Variants in ELMOD1 observed in about 807,000 individuals in gnomAD.
ELMOD1 encodes the protein ELMO domain containing 1, also known as ELMO domain-containing protein 1.
In ELMOD1, 21 loss-of-function variants were observed where a neutral mutation model predicts 46.7. The observed-to-expected ratio is 0.45, with a 90% CI of 0.32 to 0.65. ELMOD1 has a LOEUF of 0.65. Among genes scored for constraint, ELMOD1 ranks in the 30% least tolerant of loss-of-function variants. ELMOD1 has a pLI of 0.04. For missense variants in ELMOD1, 348 were observed against 407.8 expected, an observed-to-expected ratio of 0.85 and a Z score of 1.26; for synonymous variants, 122 against 138.2, an observed-to-expected ratio of 0.88 and a Z score of 0.82.
intron 1 of ELMOD1, among the ~76,000 whole-genome samples, chr11:107,604,126 A>T (rs1349178839): frequency 6.6e-6 from 1 of 152,178 alleles, no homozygotes; most frequent in Non-Finnish European, 1.5e-5. Context: ...TCGAGGTAAG[A>T]AGTGCTAATC....
rs1450432502 is a variant in ELMOD1 at position 107,623,467 on chromosome 11, C to T, written c.17+5261C>T. 2.0e-5 allele frequency: 3 copies of T among 152,222 alleles called. 1 individual carries two copies. Among genetic ancestry groups the T allele is most frequent in the South Asian group, 4.1e-4 (2 of 4,830 alleles). The allele number at this position is 152,222 out of a possible 1,614,324, so 9.4% of individuals were successfully genotyped here. ...CTTCCCGCAGAGCATGAGCAATATA[C>T]CCGAAAGCCACGGGCACTCAATAAA... On this transcript the variant is annotated intron_variant, in intron 2 of 11. Transcript: ENST00000265840.
chr11:107,643,533 A>T (rs896727180), intron 6 of ELMOD1: 2 of 488,942 alleles, frequency 4.1e-6, no homozygotes, highest in African/African-American at 3.9e-5. Flanking sequence ...AGTCTGTAGT[A>T]GAACACTCTT....
intron 11 of ELMOD1, among the ~76,000 whole-genome samples, chr11:107,658,644 T>C (rs185524597): frequency 4.6e-5 from 7 of 152,282 alleles, no homozygotes; most frequent in Admixed American, 1.3e-4. Context: ...CTTCTAAAAA[T>C]TGGAAAAGTT....
chr11:107,612,158 A>T (rs1343902051), intron 1 of ELMOD1, among the ~76,000 whole-genome samples: 1 of 152,242 alleles, frequency 6.6e-6, no homozygotes. Context: ...TGTGTTATGT[A>T]TACCATAGAA....
chr11:107,621,684 A>T (rs1390807867), intron 2 of ELMOD1, among the ~76,000 whole-genome samples: 1 of 152,236 alleles, frequency 6.6e-6, no homozygotes, highest in Non-Finnish European at 1.5e-5. Flanking sequence ...TTTGTGTCAC[A>T]TTACCCCATT....
At chr11:107,602,787 T>C (rs980932846) in intron 1 of ELMOD1, among the ~76,000 whole-genome samples, 1 of 152,030 alleles carries the variant, frequency 6.6e-6, no homozygotes, top group Non-Finnish European at 1.5e-5. Flanking sequence ...AAACGTCCCT[T>C]AGTTGTCTGA....
rs369452669 is a variant in ELMOD1, at chr11:107,630,430, G to C, written c.31G>C (p.Val11Leu). The C allele has an allele frequency of 2.8e-5, 45 of 1,599,726 alleles. No homozygotes were observed. In the South Asian group the frequency reaches 4.6e-4, roughly 16 times the overall value. Residue 11 changes from valine (V) to leucine (L), a missense_variant, in exon 3 of 12, where the codon GTA (valine) becomes CTA (leucine). Coordinates refer to ENST00000265840, the MANE Select transcript of ELMOD1 (RefSeq NM_018712.4). Reference protein sequence around the residue: MKHFLRMLIQVCLYFYCKFLW... With the variant: MKHFLRMLIQLCLYFYCKFLW... The stretch of plus-strand genomic sequence containing the variant: ...TGTTTTTCACAGAATGTTGATCCAG[G>C]TATGCCTGTATTTTTACTGTAAATT...
At chr11:107,654,532 G>A (rs746365797) in intron 10 of ELMOD1, among the ~76,000 whole-genome samples, 74 of 152,246 alleles carry the variant, frequency 4.9e-4, no homozygotes, top group Non-Finnish European at 5.4e-4. Context: ...CACTTTGGGA[G>A]GCCGAGGCGG....
chr11:107,646,984 AT>A lies in ELMOD1; in HGVS notation c.421-483del, dbSNP rs1565386888. Among the ~76,000 whole-genome samples the A allele has an allele frequency of 6.6e-5, 10 of 151,558 alleles. No individual in the cohort carries two copies. In the Middle Eastern group the frequency reaches 0.01, roughly 155 times the overall value. Reference sequence around the variant, plus strand: ...TATCTATCTATCTATCTATCTATCTATCTACCTATCTACCTACCATCTAATT... The same window carrying A: ...TATCTATCTATCTATCTATCTATCTACTACCTATCTACCTACCATCTAATT... On this transcript the variant is annotated intron_variant, in intron 6 of 11. Coordinates refer to ENST00000265840, the MANE Select transcript of ELMOD1 (RefSeq NM_018712.4).
At chr11:107,617,823 G>C (rs1219800213) in intron 1 of ELMOD1, among the ~76,000 whole-genome samples, 3 of 152,048 alleles carry the variant, frequency 2.0e-5, no homozygotes, top group African/African-American at 7.2e-5. Context: ...TAAAGATATA[G>C]GAACAATACC....
intron 2 of ELMOD1, among the ~76,000 whole-genome samples, chr11:107,626,559 C>A (rs758306874): frequency 8.0e-5 from 12 of 150,140 alleles, no homozygotes; most frequent in Admixed American, 2.7e-4. Context: ...TCCTGTCCCC[C>A]ACTTCCCCTT....
In ELMOD1 at chr11:107,654,179, A is replaced by G. The variant is rs879694698; in HGVS notation, c.655A>G (p.Ser219Gly). The change falls in exon 10 of 12, where the codon AGC (serine) becomes GGC (glycine). Residue 219 changes from serine to glycine, a missense_variant. Coordinates refer to ENST00000265840, the MANE Select transcript of ELMOD1 (RefSeq NM_018712.4). ...ATTCATTCATCCATTCAGCAAATTC[A>G]GCAAAGCAGAATGGGAGAAGAAAAG... ...DITKEEISKF[S>G]KAEWEKKRMD... The G allele has an allele frequency of 1.2e-5, 19 of 1,584,656 alleles. No individual in the cohort carries two copies. The highest frequency in any genetic ancestry group is 1.6e-5 in the Non-Finnish European group (19 of 1,164,320).
intron 5 of ELMOD1, among the ~76,000 whole-genome samples, chr11:107,634,700 C>T (rs1866198303): frequency 6.6e-6 from 1 of 152,092 alleles, no homozygotes; most frequent in African/African-American, 2.4e-5. Flanking sequence ...AAGATTGTAC[C>T]ACTGCACTCC....
intron 2 of ELMOD1, 70 bp from the exon 3 acceptor site, chr11:107,630,347 G>A: frequency 1.4e-6 from 2 of 1,406,386 alleles, no homozygotes; most frequent in East Asian, 2.5e-5. Flanking sequence ...TTCTTTTCTT[G>A]CTGGTGGTGG....
intron 1 of ELMOD1, among the ~76,000 whole-genome samples, chr11:107,608,623 A>G (rs746655850): frequency 4.6e-5 from 7 of 152,224 alleles, no homozygotes; most frequent in Non-Finnish European, 7.3e-5. Flanking sequence ...TTGCCTTGGA[A>G]ATGAAGCCTC....
chr11:107,655,797 T>C, intron 10 of ELMOD1, 136 bp from the exon 11 acceptor site: 1 of 944,804 alleles, frequency 1.1e-6, no homozygotes, highest in Non-Finnish European at 1.5e-6. Context: ...TTTTAGACCA[T>C]AAAGTGACTT....
intron 1 of ELMOD1, among the ~76,000 whole-genome samples, chr11:107,595,918 A>C (rs1289490095): frequency 6.6e-6 from 1 of 152,120 alleles, no homozygotes; most frequent in Non-Finnish European, 1.5e-5. Context: ...TGGGTACTCT[A>C]TATGATATTT....
At chr11:107,659,623 G>C (rs1258304082) in intron 11 of ELMOD1, among the ~76,000 whole-genome samples, 1 of 130,840 alleles carries the variant, frequency 7.6e-6, no homozygotes, top group Non-Finnish European at 1.6e-5. Context: ...GGGTAAAGGT[G>C]CTCAGTAACT....
At chr11:107,607,067 C>T (rs928205518) in intron 1 of ELMOD1, among the ~76,000 whole-genome samples, 10 of 152,106 alleles carry the variant, frequency 6.6e-5, no homozygotes, top group Non-Finnish European at 1.0e-4. Flanking sequence ...CGTCCTTTCT[C>T]CTCCATTTTA....
Sources: gnomAD v4.1 joint callset for allele counts (sites outside exome capture counted in the v4.1 genomes callset) on GRCh38, gnomAD v4.1.1 for gene constraint, MANE v1.5 for transcripts, NCBI Gene and HGNC (gene_info 2026-07-23, HGNC 2026-07-21) for gene names.